Variants in ERC1 observed in about 807,000 individuals in gnomAD.
ERC1 encodes ELKS/RAB6-interacting/CAST family member 1, also known as RAB6 interacting protein 2.
ERC1 carries 56 observed loss-of-function variants against 132.0 expected under a neutral mutation model. The ratio of observed to expected loss-of-function variants is 0.42; its 90% CI spans 0.34 to 0.53. The LOEUF is 0.53. Among genes scored for constraint, ERC1 ranks in the 20% least tolerant of loss-of-function variants. The probability of loss-of-function intolerance (pLI) is 0.03; values close to 1 mark genes in which losing one functional copy is unlikely to be tolerated. For missense variants in ERC1, 1,202 were observed against 1,349.9 expected (o/e 0.89, Z 1.72); for synonymous variants, 478 against 476.1 (o/e 1.00, Z -0.05).
In ERC1 at chr12:1,028,104, C is replaced by G. The variant is rs868467597; in HGVS notation, c.201C>G (p.Ala67=). 2 of 1,614,174 alleles carry G rather than the reference C, an allele frequency of 1.2e-6. No homozygotes were observed. Among genetic ancestry groups the G allele is most frequent in the South Asian group, 1.1e-5 (1 of 91,072 alleles). ...TACAATCTTTAAATGCTGCCTATGC[C>G]ACCTCTGGCCCTATGTATCTAAGTG... is the stretch of plus-strand genomic sequence containing the variant. ...ENIQSLNAAY[A]TSGPMYLSDH... is the part of the protein sequence containing the mutation. The change falls in exon 2 of 19, where the codon GCC becomes GCG. Residue 67 remains alanine (A), a synonymous_variant. Coordinates refer to ENST00000360905, the MANE Select transcript of ERC1 (RefSeq NM_178040.4).
At chr12:1,155,224 G>T (rs2154257690) in intron 8 of ERC1, among the ~76,000 whole-genome samples, 1 of 151,450 alleles carries the variant, frequency 6.6e-6, no homozygotes, top group Middle Eastern at 3.4e-3. Flanking sequence ...TACTTGGGAG[G>T]CTGAGACACG....
At chr12:1,111,427 C>T (rs1945844886) in intron 5 of ERC1, among the ~76,000 whole-genome samples, 1 of 152,152 alleles carries the variant, frequency 6.6e-6, no homozygotes, top group African/African-American at 2.4e-5. Context: ...AAACCCGCAA[C>T]ATCCCAGTAG....
In ERC1 at chr12:1,115,910, A is replaced by G. The variant is rs764618577; in HGVS notation, c.1446A>G (p.Leu482=). The G allele has an allele frequency of 4.3e-6, 7 of 1,614,102 alleles. No individual in the cohort carries two copies. Among genetic ancestry groups the G allele is most frequent in the Non-Finnish European group, 5.9e-6 (7 of 1,179,994 alleles). The part of the protein sequence containing the change: ...KQELSRKDTE[L]LALQTKLETL... The stretch of plus-strand genomic sequence containing the variant: ...AGCTGTCCAGAAAGGACACAGAACT[A>G]CTCGCCCTGCAGACAAAGCTAGAAA... Residue 482 remains leucine (L), a synonymous_variant, in exon 7 of 19, where the codon CTA becomes CTG. Coordinates refer to ENST00000360905, the MANE Select transcript of ERC1 (RefSeq NM_178040.4).
At chr12:1,235,061 T>A (rs1346293059) in intron 12 of ERC1, among the ~76,000 whole-genome samples, 4 of 152,228 alleles carry the variant, frequency 2.6e-5, no homozygotes, top group African/African-American at 9.6e-5. Flanking sequence ...AGAAGATTGA[T>A]ACATTTGAAA....
chr12:1,232,410 TCTC>T (rs2075112714), intron 12 of ERC1, among the ~76,000 whole-genome samples: 1 of 152,224 alleles, frequency 6.6e-6, no homozygotes, highest in Non-Finnish European at 1.5e-5. Context: ...TTTCTTCTAT[TCTC>T]CTGTTGGGAC....
chr12:1,000,980 G>T (rs1382899885), intron 1 of ERC1, among the ~76,000 whole-genome samples: 1 of 151,912 alleles, frequency 6.6e-6, no homozygotes, highest in Admixed American at 6.6e-5. Flanking sequence ...ATGCGATCTC[G>T]TCTCACGGCA....
chr12:1,454,526 A>G (rs904380128), intron 18 of ERC1, among the ~76,000 whole-genome samples: 2 of 152,230 alleles, frequency 1.3e-5, no homozygotes, highest in South Asian at 4.1e-4. Context: ...CACTGTCTCC[A>G]GGTAACTAGT....
chr12:1,140,734 C>CA (rs1490811632), intron 7 of ERC1, among the ~76,000 whole-genome samples: 1 of 152,100 alleles, frequency 6.6e-6, no homozygotes, highest in African/African-American at 2.4e-5. Flanking sequence ...AGCCACCAGC[C>CA]ATTTGTGGCT....
At chr12:1,194,463 T>C (rs1956033014) in intron 12 of ERC1, among the ~76,000 whole-genome samples, 1 of 152,042 alleles carries the variant, frequency 6.6e-6, no homozygotes, top group South Asian at 2.1e-4. Context: ...AATAAAGTAC[T>C]TAGAAGCGTA....
chr12:1,166,548 G>A (rs1053452706), intron 8 of ERC1, among the ~76,000 whole-genome samples: 9 of 152,154 alleles, frequency 5.9e-5, no homozygotes, highest in African/African-American at 1.7e-4. Flanking sequence ...TGTTTATCAG[G>A]TTGAGAATTC....
At chr12:1,309,729 T>A (rs935294425) in intron 15 of ERC1, among the ~76,000 whole-genome samples, 1 of 151,798 alleles carries the variant, frequency 6.6e-6, no homozygotes, top group African/African-American at 2.4e-5. Flanking sequence ...TTTTTTTTTT[T>A]TTTTAATGTC....
At chr12:1,351,102 T>G (rs1354991886) in intron 15 of ERC1, among the ~76,000 whole-genome samples, 3 of 152,148 alleles carry the variant, frequency 2.0e-5, no homozygotes. Flanking sequence ...GAATCAAATT[T>G]CAACATGAGT....
At chr12:1,262,137 T>C (rs1026571585) in intron 13 of ERC1, among the ~76,000 whole-genome samples, 11 of 152,246 alleles carry the variant, frequency 7.2e-5, no homozygotes, top group African/African-American at 2.4e-4. Context: ...TCTTGCTCTT[T>C]TGTTTTATGT....
chr12:1,405,157 A>AAATAAAT (rs1437907272), intron 16 of ERC1, among the ~76,000 whole-genome samples: 2 of 136,952 alleles, frequency 1.5e-5, no homozygotes, highest in Non-Finnish European at 3.1e-5. Flanking sequence ...ATAAATAAAT[A>AAATAAAT]AATAAATAAA....
At chr12:1,262,604 T>G (rs114406678) in intron 13 of ERC1, among the ~76,000 whole-genome samples, 1,622 of 152,344 alleles carry the variant, frequency 0.011, 26 homozygotes, top group African/African-American at 0.037. Context: ...ATGATGCTGC[T>G]TACTGCACTT....
chr12:1,263,550 A>T (rs1566424471), intron 14 of ERC1, among the ~76,000 whole-genome samples: 2 of 152,214 alleles, frequency 1.3e-5, no homozygotes, highest in Admixed American at 6.5e-5. Flanking sequence ...CTTAGGTCTG[A>T]TCCCATATAT....
intron 16 of ERC1, among the ~76,000 whole-genome samples, chr12:1,396,399 G>T (rs1282808479): frequency 6.6e-6 from 1 of 152,082 alleles, no homozygotes; most frequent in Admixed American, 6.5e-5. Context: ...ATGGAAAATT[G>T]ATTCTTGAAT....
At chr12:1,081,049 G>A (rs1009163057) in intron 2 of ERC1, among the ~76,000 whole-genome samples, 7 of 152,168 alleles carry the variant, frequency 4.6e-5, no homozygotes, top group African/African-American at 1.4e-4. Context: ...ACTAGTCAGC[G>A]TGAGAGTCAG....
rs1259813273 is a variant in ERC1, at chr12:1,494,725, CTG to C, written c.*4500_*4501del. On this transcript the variant is annotated 3_prime_UTR_variant, in exon 19 of 19. Coordinates refer to ENST00000360905, the MANE Select transcript of ERC1 (RefSeq NM_178040.4). ...TTCTTTCTCTGCTTGTCGATATTGT[CTG>C]TGTGATTCAGAGAATTGGGGCAGTT... 1 of 231,118 alleles carries C rather than the reference CTG, an allele frequency of 4.3e-6. No homozygotes were observed. Among genetic ancestry groups the C allele is most frequent in the East Asian group, 6.1e-5 (1 of 16,318 alleles). The allele number at this position is 231,118 out of a possible 1,614,324, so 14.3% of individuals were successfully genotyped here.
Sources: allele counts gnomAD v4.1 joint callset (sites outside exome capture counted in the v4.1 genomes callset), GRCh38; gene constraint gnomAD v4.1.1; transcripts MANE v1.5; gene names NCBI Gene and HGNC (gene_info 2026-07-23, HGNC 2026-07-21).